Variants in ZNF331 observed in about 807,000 individuals in gnomAD.
The protein encoded by ZNF331 is C2H2-like zinc finger protein rearranged in thyroid adenomas.
ZNF331 carries 2 observed loss-of-function variants against 7.0 expected under a neutral mutation model. The observed-to-expected ratio is 0.29, with a 90% CI of 0.12 to 0.90. The LOEUF is 0.90. Ranked by LOEUF, ZNF331 falls within the 40% of genes least tolerant of loss-of-function variation. The pLI is 0.58. For missense variants in ZNF331, 432 were observed against 587.7 expected, an observed-to-expected ratio of 0.74 and a Z score of 2.74; for synonymous variants, 196 against 205.4, an observed-to-expected ratio of 0.95 and a Z score of 0.39.
At chr19:53,510,560 A>G in the ZNF331 span, among the ~76,000 whole-genome samples, 1 of 150,358 alleles carries the variant, frequency 6.7e-6, no homozygotes, top group Non-Finnish European at 1.5e-5. Flanking sequence ...CTGAGTTGTG[A>G]GCTCCACCCA....
At chr19:53,555,223 T>G (rs28755481) in intron 2 of ZNF331, 4,331 of 103,204 alleles carry the variant, frequency 0.042, 48 homozygotes, top group Middle Eastern at 0.089. Flanking sequence ...TAGCTCCAGC[T>G]TCTGTGTGCT....
In ZNF331 at chr19:53,580,078, C is replaced by T. The variant is rs1418893491; in HGVS notation, c.*2126C>T. 2 of 211,092 alleles carry T rather than the reference C, an allele frequency of 9.5e-6. No individual in the cohort carries two copies. The highest frequency in any genetic ancestry group is 1.4e-4 in the East Asian group (2 of 13,988). The allele number at this position is 211,092 out of a possible 1,614,324, so 13.1% of individuals were successfully genotyped here. A position where few individuals can be genotyped will look rare whatever the true frequency, so the allele number is the denominator to read the frequency against. On this transcript the variant is annotated 3_prime_UTR_variant, in exon 6 of 6. Transcript: ENST00000449416. ...CACCAGGATGATTAAATTTAAATCACAATAACAAGGCTGATTTCAGATGTC... is the reference window on the plus strand; with the variant it reads ...CACCAGGATGATTAAATTTAAATCATAATAACAAGGCTGATTTCAGATGTC...
chr19:53,550,613 T>G (rs2088932454), intron 2 of ZNF331, among the ~76,000 whole-genome samples: 1 of 131,698 alleles, frequency 7.6e-6, no homozygotes, highest in Non-Finnish European at 1.6e-5. Context: ...CTTGGCTCAC[T>G]GCAACTTCCG....
intron 2 of ZNF331, among the ~76,000 whole-genome samples, chr19:53,527,632 T>C (rs889013417): frequency 1.2e-4 from 19 of 152,232 alleles, no homozygotes; most frequent in African/African-American, 4.3e-4. Flanking sequence ...TGTTTGTTTC[T>C]GGAACATTAA....
Position 53,573,622 on chromosome 19 carries a change from G to A in ZNF331, c.136+1892G>A, listed in dbSNP as rs1346454756. Among the ~76,000 whole-genome samples the A allele has an allele frequency of 1.3e-5, 2 of 151,816 alleles. No homozygotes were observed. Among genetic ancestry groups the A allele is most frequent in the East Asian group, 3.9e-4 (2 of 5,130 alleles). On this transcript the variant is annotated intron_variant, in intron 5 of 5. Transcript: ENST00000449416. The surrounding 1 kb of genome is among the most constrained non-coding windows in gnomAD (Gnocchi z 4.2). ...AGCAGGGACCACAGGTGCACACCAC[G>A]ACACCCGGCTAATTGTTGTGTTTTT... is the stretch of plus-strand genomic sequence containing the variant.
chr19:53,508,635 T>C, the ZNF331 span, among the ~76,000 whole-genome samples: 79,413 of 151,694 alleles, frequency 0.52, 21,225 homozygotes, highest in African/African-American at 0.64. Context: ...TCACTGGGGG[T>C]TATGAATCTA....
intron 2 of ZNF331, among the ~76,000 whole-genome samples, chr19:53,551,405 T>C (rs1262598465): frequency 6.6e-6 from 1 of 152,180 alleles, no homozygotes; most frequent in Non-Finnish European, 1.5e-5. Flanking sequence ...ACTTTCCAAA[T>C]GGTAGTTTGT....
At chr19:53,553,916 G>A (rs945926381) in intron 2 of ZNF331, among the ~76,000 whole-genome samples, 1 of 152,186 alleles carries the variant, frequency 6.6e-6, no homozygotes, top group Non-Finnish European at 1.5e-5. Context: ...CGTCTGCAGG[G>A]AGCAAGATGG....
chr19:53,563,735 G>C (rs1021685737), intron 3 of ZNF331: 1 of 152,006 alleles, frequency 6.6e-6, no homozygotes, highest in Admixed American at 6.6e-5. Context: ...AGTTCATGCA[G>C]TCATACCTTG....
intron 3 of ZNF331, among the ~76,000 whole-genome samples, 169 bp from the exon 4 acceptor site, chr19:53,569,135 C>A (rs895088966): frequency 2.0e-5 from 3 of 152,062 alleles, no homozygotes; most frequent in African/African-American, 4.8e-5. Flanking sequence ...GGATTACAGG[C>A]GTGAGCCACC....
At chr19:53,517,159 C>T (rs141815400), upstream of ZNF331, among the ~76,000 whole-genome samples, 230 of 152,174 alleles carry the variant, frequency 1.5e-3, no homozygotes, top group African/African-American at 5.2e-3. Flanking sequence ...CTAGAAAACG[C>T]GCACAACAGC....
chr19:53,509,016 T>C, the ZNF331 span, among the ~76,000 whole-genome samples: 11 of 152,142 alleles, frequency 7.2e-5, no homozygotes, highest in Non-Finnish European at 1.5e-4. Flanking sequence ...TTTTCCCTCA[T>C]AATCACCTCC....
intron 2 of ZNF331, chr19:53,555,485 C>T (rs1254939512): frequency 6.6e-6 from 1 of 152,496 alleles, no homozygotes; most frequent in Non-Finnish European, 1.5e-5. Context: ...ACCTCCTAAC[C>T]AAGCGGTACC....
At chr19:53,504,690 C>T in the ZNF331 span, among the ~76,000 whole-genome samples, 1 of 152,342 alleles carries the variant, frequency 6.6e-6, no homozygotes, top group Admixed American at 6.5e-5. Flanking sequence ...CCAGAAATCT[C>T]ATGCCCTCAG....
chr19:53,507,311 A>T, the ZNF331 span, among the ~76,000 whole-genome samples: 4 of 152,054 alleles, frequency 2.6e-5, no homozygotes, highest in African/African-American at 9.7e-5. Flanking sequence ...TCTCGTCATC[A>T]CCAAATCCTG....
chr19:53,506,209 C>T, the ZNF331 span, among the ~76,000 whole-genome samples: 1 of 135,774 alleles, frequency 7.4e-6, no homozygotes, highest in African/African-American at 2.9e-5. Context: ...GTGGCGGGCG[C>T]CTGTAATCCC....
intron 2 of ZNF331, among the ~76,000 whole-genome samples, chr19:53,550,843 C>CTTTTT (rs752603959): frequency 7.7e-6 from 1 of 129,548 alleles, no homozygotes; most frequent in African/African-American, 2.9e-5. Flanking sequence ...GGCCGTTAAT[C>CTTTTT]TTTTTTTTTT....
intron 3 of ZNF331, among the ~76,000 whole-genome samples, chr19:53,564,534 G>T (rs978605831): frequency 6.6e-6 from 1 of 152,086 alleles, no homozygotes; most frequent in African/African-American, 2.4e-5. Context: ...ACCCGCCTTG[G>T]CCTCCCAAAG....
At chr19:53,550,168 A>G (rs1460901943) in intron 2 of ZNF331, among the ~76,000 whole-genome samples, 1 of 152,112 alleles carries the variant, frequency 6.6e-6, no homozygotes, top group East Asian at 1.9e-4. Flanking sequence ...TATCCTGGAG[A>G]ATGTTTCCTG....
Sources: allele counts gnomAD v4.1 joint callset (sites outside exome capture counted in the v4.1 genomes callset), GRCh38; gene constraint gnomAD v4.1.1; non-coding constraint Gnocchi (gnomAD v3.1); transcripts MANE v1.5; gene names NCBI Gene and HGNC (gene_info 2026-07-23, HGNC 2026-07-21).